The following IQSEC1 variants were observed in gnomAD, a reference collection of about 807,000 sequenced individuals.
IQSEC1 encodes the protein IQ motif and Sec7 domain ArfGEF 1.
A neutral mutation model predicts 91.0 loss-of-function variants in IQSEC1; 31 were observed. The ratio of observed to expected loss-of-function variants is 0.34; its 90% CI spans 0.26 to 0.46. The LOEUF (loss-of-function observed/expected upper bound fraction) is 0.46, where lower values mean the gene tolerates loss of function less well. IQSEC1 is among the 20% of genes least tolerant of loss of function. The pLI is 1.00. For synonymous variants in IQSEC1, 699 were observed against 662.6 expected, an observed-to-expected ratio of 1.05 and a Z score of -0.84; for missense variants, 1,388 against 1,575.6, an observed-to-expected ratio of 0.88 and a Z score of 2.02.
chr3:13,192,838 G>A (rs1389890927), intron 1 of IQSEC1, among the ~76,000 whole-genome samples: 1 of 152,248 alleles, frequency 6.6e-6, no homozygotes, highest in Non-Finnish European at 1.5e-5. Flanking sequence ...GCCCTGCTCA[G>A]TGTCAGCTCT....
At chr3:13,084,681 CA>C (rs1705705558) in intron 2 of IQSEC1, among the ~76,000 whole-genome samples, 1 of 152,176 alleles carries the variant, frequency 6.6e-6, no homozygotes, top group South Asian at 2.1e-4. Context: ...GAACTGAGGA[CA>C]GGGGAGATGG....
Position 12,979,771 on chromosome 3 carries a change from T to C in IQSEC1, c.24-37906A>G, listed in dbSNP as rs925940154. 1.3e-5 allele frequency among the ~76,000 whole-genome samples: 2 copies of C among 152,208 alleles called. No homozygotes were observed. Among genetic ancestry groups the C allele is most frequent in the Admixed American group, 6.5e-5 (1 of 15,286 alleles). On this transcript the variant is annotated intron_variant, in intron 1 of 13. Transcript: ENST00000613206. This position sits in a 1 kb window ranked among gnomAD's most constrained non-coding sequence, Gnocchi z 4.3. ...GCACCGGAAGGAGAACTCTCTCTCATGTTCCAGGTGGTATGCTCCATGTCA... is the reference window on the plus strand; with the variant it reads ...GCACCGGAAGGAGAACTCTCTCTCACGTTCCAGGTGGTATGCTCCATGTCA...
At position 12,917,215 on chromosome 3, in the gene IQSEC1, T is replaced by C. The variant is rs565816397; in HGVS notation, c.2021-1482A>G. Among the ~76,000 whole-genome samples, 42 of 152,262 alleles carry C rather than the reference T, an allele frequency of 2.8e-4. 1 individual carries two copies. The East Asian group carries it at 2.9e-3, about 10-fold the overall frequency. ...TCGCCATCCTCACCAGAGTGCTCCATTGGCACAATGATGAGCCTACACGGA... is the reference window on the plus strand; with the variant it reads ...TCGCCATCCTCACCAGAGTGCTCCACTGGCACAATGATGAGCCTACACGGA... On this transcript the variant is annotated intron_variant, in intron 6 of 13. Transcript: ENST00000613206.
At chr3:13,137,193 C>A (rs1006349949) in intron 2 of IQSEC1, among the ~76,000 whole-genome samples, 1 of 152,024 alleles carries the variant, frequency 6.6e-6, no homozygotes, top group African/African-American at 2.4e-5. Context: ...ACCTGTAATC[C>A]GGCAGGTCCA....
intron 2 of IQSEC1, among the ~76,000 whole-genome samples, chr3:13,094,000 G>T (rs662538): frequency 0.95 from 145,292 of 152,298 alleles, 69,373 homozygotes; most frequent in East Asian, 1. Flanking sequence ...GACCTCTTCC[G>T]GCTGGGGCCA....
At chr3:13,278,548 G>C (rs1695734394) in intron 1 of IQSEC1, among the ~76,000 whole-genome samples, 1 of 152,214 alleles carries the variant, frequency 6.6e-6, no homozygotes, top group South Asian at 2.1e-4. Flanking sequence ...GCTGGGTGTG[G>C]TGGCTCACGC....
intron 1 of IQSEC1, among the ~76,000 whole-genome samples, chr3:13,260,537 A>G (rs1695363468): frequency 6.6e-6 from 1 of 152,238 alleles, no homozygotes; most frequent in South Asian, 2.1e-4. Flanking sequence ...AAAGACAGCC[A>G]AAGCCCACGT....
At chr3:13,244,480 C>T (rs1186854715) in intron 1 of IQSEC1, among the ~76,000 whole-genome samples, 1 of 152,204 alleles carries the variant, frequency 6.6e-6, no homozygotes, top group African/African-American at 2.4e-5. Flanking sequence ...GGATCCTGGG[C>T]TTGCAAATAG....
At chr3:13,169,121 T>A (rs1403654393) in intron 1 of IQSEC1, among the ~76,000 whole-genome samples, 1 of 152,208 alleles carries the variant, frequency 6.6e-6, no homozygotes, top group Non-Finnish European at 1.5e-5. Context: ...CCAAGTCTCA[T>A]CTTGAATTCC....
chr3:13,187,172 G>C (rs1040434423), intron 1 of IQSEC1, among the ~76,000 whole-genome samples: 1 of 152,076 alleles, frequency 6.6e-6, no homozygotes, highest in African/African-American at 2.4e-5. Context: ...CCCCTACTGA[G>C]TATCTACTAT....
intron 1 of IQSEC1, among the ~76,000 whole-genome samples, chr3:13,023,136 T>G (rs2124979913): frequency 6.6e-6 from 1 of 152,344 alleles, no homozygotes; most frequent in South Asian, 2.1e-4. Flanking sequence ...ACCTTGGCAG[T>G]CTGGCTCTAA....
intron 1 of IQSEC1, among the ~76,000 whole-genome samples, chr3:13,250,418 T>A (rs1001462620): frequency 6.9e-6 from 1 of 144,786 alleles, no homozygotes; most frequent in Admixed American, 6.8e-5. Flanking sequence ...AGCCCCACTT[T>A]CCTTTTTTTT....
chr3:13,000,082 A>G (rs781185118), intron 1 of IQSEC1, among the ~76,000 whole-genome samples: 10 of 152,236 alleles, frequency 6.6e-5, no homozygotes, highest in Non-Finnish European at 1.3e-4. Flanking sequence ...GTATTAGCAC[A>G]TACTATTCCC....
intron 1 of IQSEC1, among the ~76,000 whole-genome samples, chr3:13,020,736 T>A (rs1703359954): frequency 6.6e-6 from 1 of 152,224 alleles, no homozygotes; most frequent in African/African-American, 2.4e-5. Context: ...TTCACAGGCA[T>A]GATCATCACA....
At chr3:12,932,302 G>T (rs950511245) in intron 3 of IQSEC1, among the ~76,000 whole-genome samples, 4 of 152,182 alleles carry the variant, frequency 2.6e-5, no homozygotes, top group Non-Finnish European at 5.9e-5. Flanking sequence ...TCAGTTTACA[G>T]ATCTGTCACC....
intron 1 of IQSEC1, among the ~76,000 whole-genome samples, chr3:12,969,768 C>T (rs1056143021): frequency 2.0e-5 from 3 of 152,216 alleles, no homozygotes; most frequent in African/African-American, 4.8e-5. Flanking sequence ...ATGGTCTTGG[C>T]GACATTGTCT....
chr3:12,992,191 G>A lies in IQSEC1; in HGVS notation c.24-50326C>T, dbSNP rs113241734. On this transcript the variant is annotated intron_variant, in intron 1 of 13. Transcript: ENST00000613206. The surrounding 1 kb of genome is among the most constrained non-coding windows in gnomAD (Gnocchi z 4.1). ...GCTCTGAATACGCTGTGTGACCTTG[G>A]ACATGTCCCTGCCTCTCTCTGGCCT... Among the ~76,000 whole-genome samples the A allele has an allele frequency of 0.01, 1,560 of 152,212 alleles. 17 individuals carry two copies. The highest frequency in any genetic ancestry group is 0.066 in the South Asian group (318 of 4,822).
At chr3:13,032,651 T>C (rs920606672) in intron 1 of IQSEC1, among the ~76,000 whole-genome samples, 1 of 151,882 alleles carries the variant, frequency 6.6e-6, no homozygotes, top group Non-Finnish European at 1.5e-5. Context: ...TGGCGCAATC[T>C]TGGCTCACTG....
intron 1 of IQSEC1, among the ~76,000 whole-genome samples, chr3:13,235,909 C>T (rs571719922): frequency 3.9e-5 from 6 of 152,262 alleles, no homozygotes; most frequent in South Asian, 2.1e-4. Context: ...TGAGACAACC[C>T]GCTGCGGCAG....
Sources: gnomAD v4.1 joint callset for allele counts (sites outside exome capture counted in the v4.1 genomes callset) on GRCh38, gnomAD v4.1.1 for gene constraint, Gnocchi (gnomAD v3.1) non-coding constraint, MANE v1.5 for transcripts, NCBI Gene and HGNC (gene_info 2026-07-23, HGNC 2026-07-21) for gene names.